Variants in HS3ST5 observed in about 807,000 individuals in gnomAD.
HS3ST5 encodes heparan sulfate glucosamine 3-O-sulfotransferase 5.
A neutral mutation model predicts 25.4 loss-of-function variants in HS3ST5; 10 were observed. The observed-to-expected ratio is 0.39, with a 90% CI of 0.24 to 0.67. HS3ST5 has a LOEUF of 0.67. Ranked by LOEUF, HS3ST5 falls within the 30% of genes least tolerant of loss-of-function variation. The pLI is 0.44. For synonymous variants in HS3ST5, 170 were observed against 162.4 expected (o/e 1.05, Z -0.36); for missense variants, 324 against 420.7 (o/e 0.77, Z 2.01).
chr6:114,058,277 A>G (rs1772894121), intron 4 of HS3ST5, 87 bp from the exon 5 acceptor site: 3 of 976,432 alleles, frequency 3.1e-6, no homozygotes, highest in Admixed American at 5.4e-5. Flanking sequence ...CTTTAAATGC[A>G]TAAATAAAGC....
chr6:114,218,247 C>A (rs1204854733), intron 2 of HS3ST5, among the ~76,000 whole-genome samples: 2 of 152,218 alleles, frequency 1.3e-5, no homozygotes, highest in Admixed American at 1.3e-4. Flanking sequence ...ATCTGTCCAC[C>A]TTGGCCTCCC....
intron 2 of HS3ST5, among the ~76,000 whole-genome samples, chr6:114,220,436 AT>A (rs1781977202): frequency 6.6e-6 from 1 of 152,004 alleles, no homozygotes. Context: ...TAATTTTCCC[AT>A]ATGAGGTTTC....
intron 3 of HS3ST5, among the ~76,000 whole-genome samples, chr6:114,094,139 A>C (rs1775296987): frequency 6.6e-6 from 1 of 152,198 alleles, no homozygotes. Context: ...AGCCAGTATT[A>C]ATATTTTAAA....
intron 2 of HS3ST5, among the ~76,000 whole-genome samples, chr6:114,223,606 G>T (rs1782140810): frequency 6.6e-6 from 1 of 151,666 alleles, no homozygotes; most frequent in Admixed American, 6.6e-5. Context: ...AGCTGTTTAG[G>T]GTAGGGGGAG....
intron 1 of HS3ST5, among the ~76,000 whole-genome samples, chr6:114,281,404 T>G (rs1774103165): frequency 6.6e-6 from 1 of 152,010 alleles, no homozygotes; most frequent in South Asian, 2.1e-4. Context: ...AGTGAAAAGT[T>G]TCTTTAAAAG....
At chr6:114,087,629 A>ACT (rs1774905995) in intron 3 of HS3ST5, among the ~76,000 whole-genome samples, 1 of 152,216 alleles carries the variant, frequency 6.6e-6, no homozygotes, top group South Asian at 2.1e-4. Flanking sequence ...TGCAAAAAAG[A>ACT]GTTCTATGCA....
intron 1 of HS3ST5, among the ~76,000 whole-genome samples, chr6:114,309,638 C>A (rs1562271819): frequency 1.3e-5 from 2 of 152,140 alleles, no homozygotes; most frequent in African/African-American, 4.8e-5. Context: ...TAGGCTGAGA[C>A]AGGAGAAATG....
intron 3 of HS3ST5, among the ~76,000 whole-genome samples, chr6:114,072,960 G>A (rs922587858): frequency 6.6e-6 from 1 of 152,030 alleles, no homozygotes; most frequent in African/African-American, 2.4e-5. Flanking sequence ...AGACCAATGG[G>A]ACAGAACAGA....
chr6:114,249,555 G>C (rs2114619998), intron 1 of HS3ST5, among the ~76,000 whole-genome samples: 1 of 152,316 alleles, frequency 6.6e-6, no homozygotes, highest in East Asian at 1.9e-4. Flanking sequence ...AGTGCTAAGA[G>C]TGCTGGTTGC....
At chr6:114,174,027 G>T (rs966965321) in intron 2 of HS3ST5, among the ~76,000 whole-genome samples, 2 of 151,676 alleles carry the variant, frequency 1.3e-5, no homozygotes, top group Non-Finnish European at 2.9e-5. Context: ...CCCCCAAACT[G>T]CCCCTCCCCC....
At chr6:114,074,912 A>G (rs1378497242) in intron 3 of HS3ST5, among the ~76,000 whole-genome samples, 1 of 152,172 alleles carries the variant, frequency 6.6e-6, no homozygotes, top group African/African-American at 2.4e-5. Context: ...AGCATTCTTA[A>G]CATGCTTCAA....
chr6:114,223,924 G>A (rs1782159119), intron 2 of HS3ST5, among the ~76,000 whole-genome samples: 1 of 151,456 alleles, frequency 6.6e-6, no homozygotes, highest in African/African-American at 2.4e-5. Context: ...TATTTCTTGG[G>A]ATGTTTTCAG....
intron 3 of HS3ST5, among the ~76,000 whole-genome samples, chr6:114,068,695 A>G (rs772705536): frequency 6.6e-6 from 1 of 152,202 alleles, no homozygotes; most frequent in Non-Finnish European, 1.5e-5. Context: ...GAGCAGTTAT[A>G]CTGGTAATGG....
chr6:114,335,943 C>T (rs1415746823), intron 1 of HS3ST5, among the ~76,000 whole-genome samples: 1 of 151,758 alleles, frequency 6.6e-6, no homozygotes, highest in Non-Finnish European at 1.5e-5. Context: ...TGAGCCACCG[C>T]GCCCGGCCCC....
chr6:114,221,421 G>T (rs1286134787), intron 2 of HS3ST5, among the ~76,000 whole-genome samples: 1 of 151,614 alleles, frequency 6.6e-6, no homozygotes, highest in African/African-American at 2.4e-5. Flanking sequence ...GTTCCATAAT[G>T]ACATACCTTC....
chr6:114,288,990 A>G (rs1220173805), intron 1 of HS3ST5, among the ~76,000 whole-genome samples: 1 of 152,122 alleles, frequency 6.6e-6, no homozygotes, highest in African/African-American at 2.4e-5. Flanking sequence ...TTCCTGGGAC[A>G]GAGAACATTT....
intron 3 of HS3ST5, among the ~76,000 whole-genome samples, chr6:114,088,319 T>C (rs756072848): frequency 6.6e-5 from 10 of 152,232 alleles, no homozygotes; most frequent in East Asian, 1.9e-4. Context: ...ATGTCCACCA[T>C]GGCCAGTATT....
At chr6:114,281,453 C>T (rs1774105124) in intron 1 of HS3ST5, among the ~76,000 whole-genome samples, 1 of 151,910 alleles carries the variant, frequency 6.6e-6, no homozygotes, top group South Asian at 2.1e-4. Context: ...CATAGCTTGA[C>T]AACAATAAAA....
chr6:114,084,609 A>G, intron 3 of HS3ST5: 1 of 784,684 alleles, frequency 1.3e-6, no homozygotes, highest in Non-Finnish European at 2.3e-6. Flanking sequence ...GAGAATTGTT[A>G]CAGAGCAATG....
Sources: allele counts gnomAD v4.1 joint callset (sites outside exome capture counted in the v4.1 genomes callset), GRCh38; gene constraint gnomAD v4.1.1; transcripts MANE v1.5; gene names NCBI Gene and HGNC (gene_info 2026-07-23, HGNC 2026-07-21).